Variants in NKAIN2 observed in about 807,000 individuals in gnomAD.
NKAIN2 encodes the protein sodium/potassium transporting ATPase interacting 2, also known as sodium/potassium-transporting ATPase subunit beta-1-interacting protein 2.
A neutral mutation model predicts 32.6 loss-of-function variants in NKAIN2; 14 were observed. That is an observed-to-expected ratio of 0.43 (90% confidence interval 0.28 to 0.67). The LOEUF (loss-of-function observed/expected upper bound fraction) is 0.67, where lower values mean the gene tolerates loss of function less well. NKAIN2 is among the 30% of genes least tolerant of loss of function. The pLI is 0.17. For missense variants in NKAIN2, 198 were observed against 258.3 expected, an observed-to-expected ratio of 0.77 and a Z score of 1.60; for synonymous variants, 80 against 87.2, an observed-to-expected ratio of 0.92 and a Z score of 0.46.
chr6:124,229,218 G>A (rs1260049046), intron 1 of NKAIN2, among the ~76,000 whole-genome samples: 2 of 152,104 alleles, frequency 1.3e-5, no homozygotes, highest in Non-Finnish European at 2.9e-5. Flanking sequence ...ATGAGAGAAT[G>A]CAAGTGTGAC....
intron 3 of NKAIN2, among the ~76,000 whole-genome samples, chr6:124,512,851 G>A (rs1037827741): frequency 2.0e-5 from 3 of 152,126 alleles, no homozygotes; most frequent in Non-Finnish European, 4.4e-5. Flanking sequence ...TGATAGGAGG[G>A]ACGGTTAGTT....
chr6:124,439,937 T>C (rs578994), intron 3 of NKAIN2, among the ~76,000 whole-genome samples: 46,179 of 151,786 alleles, frequency 0.3, 7,645 homozygotes, highest in African/African-American at 0.43. Flanking sequence ...GGAAATTTAC[T>C]GGAGCACACT....
intron 3 of NKAIN2, among the ~76,000 whole-genome samples, chr6:124,611,095 CT>C (rs1209131229): frequency 1.3e-5 from 2 of 151,926 alleles, no homozygotes; most frequent in Non-Finnish European, 2.9e-5. Flanking sequence ...CAGTTTTCCT[CT>C]GACTTTTTTA....
At chr6:124,664,098 A>G (rs1444940837) in intron 4 of NKAIN2, among the ~76,000 whole-genome samples, 2 of 152,012 alleles carry the variant, frequency 1.3e-5, no homozygotes. Flanking sequence ...AACATGCTGA[A>G]ACCCCGTCTC....
intron 1 of NKAIN2, among the ~76,000 whole-genome samples, chr6:123,810,020 A>G (rs529779477): frequency 4.6e-5 from 7 of 152,216 alleles, no homozygotes; most frequent in Non-Finnish European, 1.0e-4. Flanking sequence ...GTTTTATAAA[A>G]TAATAATGAA....
At chr6:124,759,655 A>AC (rs3223322) in intron 4 of NKAIN2, among the ~76,000 whole-genome samples, 4 of 53,078 alleles carry the variant, frequency 7.5e-5, no homozygotes, top group South Asian at 9.2e-4. Flanking sequence ...ACACACACAC[A>AC]CCCCCTATCT....
At chr6:123,927,179 CT>C (rs1348746507) in intron 1 of NKAIN2, among the ~76,000 whole-genome samples, 7 of 152,150 alleles carry the variant, frequency 4.6e-5, no homozygotes, top group Non-Finnish European at 7.4e-5. Context: ...CCCTTAGTAA[CT>C]AAATGGGATG....
Position 124,059,513 on chromosome 6 carries a change from G to A in NKAIN2, c.55-223492G>A, listed in dbSNP as rs540634458. On this transcript the variant is annotated intron_variant, in intron 1 of 6. Transcript: ENST00000368417. ...ATCTTATTATCTCTTTAGAACTGTC[G>A]CTCTCAGAAGCGTAGAACCTAAGCT... Among the ~76,000 whole-genome samples the A allele has an allele frequency of 4.6e-5, 7 of 152,074 alleles. No homozygotes were observed. In the East Asian group the frequency reaches 5.8e-4, roughly 13 times the overall value.
intron 3 of NKAIN2, among the ~76,000 whole-genome samples, chr6:124,428,543 G>C (rs1775077626): frequency 2.0e-5 from 3 of 152,134 alleles, no homozygotes; most frequent in Admixed American, 1.3e-4. Context: ...ATTCTCATTT[G>C]TCAGTGAGGG....
chr6:124,380,281 A>G (rs1772572997), intron 3 of NKAIN2, among the ~76,000 whole-genome samples: 1 of 152,168 alleles, frequency 6.6e-6, no homozygotes, highest in Non-Finnish European at 1.5e-5. Context: ...CTGAGGTTGA[A>G]AGAATCTCCC....
intron 1 of NKAIN2, among the ~76,000 whole-genome samples, chr6:123,885,177 T>A (rs1773655150): frequency 6.6e-6 from 1 of 152,216 alleles, no homozygotes; most frequent in Non-Finnish European, 1.5e-5. Context: ...CTAAGTCATG[T>A]ATTCTGGATG....
intron 3 of NKAIN2, among the ~76,000 whole-genome samples, chr6:124,443,652 A>G (rs1775780697): frequency 1.3e-5 from 2 of 152,070 alleles, no homozygotes; most frequent in African/African-American, 4.8e-5. Flanking sequence ...ACAGGGTGAG[A>G]TACTGATTTT....
At chr6:124,358,379 T>G (rs977949455) in intron 3 of NKAIN2, among the ~76,000 whole-genome samples, 5 of 152,118 alleles carry the variant, frequency 3.3e-5, no homozygotes, top group South Asian at 2.1e-4. Flanking sequence ...TGAACTAGTT[T>G]ACAGTCCCAC....
intron 1 of NKAIN2, among the ~76,000 whole-genome samples, chr6:123,889,282 G>A (rs1441402171): frequency 1.3e-5 from 2 of 152,016 alleles, no homozygotes; most frequent in African/African-American, 4.8e-5. Flanking sequence ...TGATCTGAAT[G>A]GCATATTCTA....
intron 1 of NKAIN2, among the ~76,000 whole-genome samples, chr6:123,858,749 T>G (rs2114973328): frequency 6.6e-6 from 1 of 152,284 alleles, no homozygotes; most frequent in East Asian, 1.9e-4. Flanking sequence ...AGCACATTAT[T>G]GAAGCGTCAG....
chr6:124,052,807 T>C (rs1229170405), intron 1 of NKAIN2, among the ~76,000 whole-genome samples: 1 of 152,084 alleles, frequency 6.6e-6, no homozygotes, highest in Non-Finnish European at 1.5e-5. Context: ...AAAAGTCTTG[T>C]ATTAGAGGGC....
At chr6:124,587,460 C>T (rs938395422) in intron 3 of NKAIN2, among the ~76,000 whole-genome samples, 29 of 152,176 alleles carry the variant, frequency 1.9e-4, no homozygotes, top group African/African-American at 6.5e-4. Flanking sequence ...CCTCGTGATC[C>T]GCCTGGTTTG....
intron 4 of NKAIN2, among the ~76,000 whole-genome samples, chr6:124,663,275 C>T (rs750283175): frequency 2.6e-5 from 4 of 151,332 alleles, no homozygotes; most frequent in Middle Eastern, 3.2e-3. Flanking sequence ...AATACACACA[C>T]AAAAAAATAG....
At chr6:123,850,554 G>A (rs1437080582) in intron 1 of NKAIN2, among the ~76,000 whole-genome samples, 1 of 151,934 alleles carries the variant, frequency 6.6e-6, no homozygotes, top group Non-Finnish European at 1.5e-5. Context: ...TTAGTAGAAG[G>A]TCTTCTTTAC....
Sources: gnomAD v4.1 joint callset for allele counts (sites outside exome capture counted in the v4.1 genomes callset) on GRCh38, gnomAD v4.1.1 for gene constraint, MANE v1.5 for transcripts, NCBI Gene and HGNC (gene_info 2026-07-23, HGNC 2026-07-21) for gene names.